The following FGFR1 variants were observed in gnomAD, a reference collection of about 807,000 sequenced individuals.
FGFR1 encodes the protein fibroblast growth factor receptor 1, also known as FGFR1/PLAG1 fusion.
FGFR1 carries 18 observed loss-of-function variants against 93.7 expected under a neutral mutation model. That is an observed-to-expected ratio of 0.19 (90% CI 0.13 to 0.28). The LOEUF (loss-of-function observed/expected upper bound fraction) is 0.28. Among genes scored for constraint, FGFR1 ranks in the 10% least tolerant of loss-of-function variants. The pLI is 1.00. For missense variants in FGFR1, 731 were observed against 1,080.4 expected, an observed-to-expected ratio of 0.68 and a Z score of 4.53; for synonymous variants, 448 against 429.3, an observed-to-expected ratio of 1.04 and a Z score of -0.54.
At chr8:38,467,575 G>C (rs1835824317) in intron 1 of FGFR1, 2 of 235,248 alleles carry the variant, frequency 8.5e-6, no homozygotes, top group East Asian at 1.2e-4. Flanking sequence ...CACACACAAC[G>C]CATCCCACCT....
chr8:38,416,206 C>A, intron 12 of FGFR1, 146 bp from the exon 13 acceptor site: 1 of 701,508 alleles, frequency 1.4e-6, no homozygotes, highest in African/African-American at 1.8e-5. Context: ...ATCCATTCTA[C>A]TACCCAAAAA....
At position 38,416,396 on chromosome 8, in the gene FGFR1, T is replaced by A. The variant is rs889547409; in HGVS notation, c.1664-336A>T. ...GCCTTCTGGATTCAAGTGATTCTCCTGCCTCAGCCTCCCAAGCAGCTGGGA... is the reference window on the plus strand; with the variant it reads ...GCCTTCTGGATTCAAGTGATTCTCCAGCCTCAGCCTCCCAAGCAGCTGGGA... On this transcript the variant is annotated intron_variant, in intron 12 of 17. Transcript: ENST00000447712. Among the ~76,000 whole-genome samples the A allele has an allele frequency of 2.6e-5, 4 of 150,946 alleles. No individual in the cohort carries two copies. In the South Asian group the frequency reaches 8.5e-4, roughly 32 times the overall value.
intron 2 of FGFR1, among the ~76,000 whole-genome samples, chr8:38,449,903 G>A (rs1830514027): frequency 6.6e-6 from 1 of 152,242 alleles, no homozygotes. Context: ...ACAGGAGAAG[G>A]GAGGGAACTC....
intron 1 of FGFR1, among the ~76,000 whole-genome samples, chr8:38,464,256 A>G (rs1835028024): frequency 7.0e-6 from 1 of 142,734 alleles, no homozygotes; most frequent in Admixed American, 7.4e-5. Flanking sequence ...CGGAGGTTGC[A>G]GTGACCTGAG....
rs545137131 is a variant in FGFR1 at position 38,449,003 on chromosome 8, G to A, written c.91+8353C>T. Among the ~76,000 whole-genome samples the A allele has an allele frequency of 2.0e-5, 3 of 152,270 alleles. No homozygotes were observed. The South Asian group carries it at 6.2e-4, about 32-fold the overall frequency. ...TGTAATCCTAACACTTTAGGAGGCTGAGGCCAGAGGATCGCTTGATCCCAG... is the reference window on the plus strand; with the variant it reads ...TGTAATCCTAACACTTTAGGAGGCTAAGGCCAGAGGATCGCTTGATCCCAG... On this transcript the variant is annotated intron_variant, in intron 2 of 17. Coordinates refer to ENST00000447712, the MANE Select transcript of FGFR1 (RefSeq NM_023110.3).
chr8:38,452,200 GACACACACACACACAC>G (rs3051753), intron 2 of FGFR1, among the ~76,000 whole-genome samples: 244 of 139,186 alleles, frequency 1.8e-3, no homozygotes, highest in East Asian at 0.016. Flanking sequence ...CAGACACACA[GACACACACACACACAC>G]ACACACACAC....
At chr8:38,441,156 A>G (rs2151118104) in intron 2 of FGFR1, among the ~76,000 whole-genome samples, 1 of 151,300 alleles carries the variant, frequency 6.6e-6, no homozygotes, top group South Asian at 2.1e-4. Context: ...ATTGGCCTGG[A>G]GAGTTGTGTG....
At chr8:38,446,892 A>G (rs899799115) in intron 2 of FGFR1, among the ~76,000 whole-genome samples, 1 of 152,162 alleles carries the variant, frequency 6.6e-6, no homozygotes, top group Non-Finnish European at 1.5e-5. Flanking sequence ...ACTGTGACCT[A>G]TAAAGAAAAC....
At chr8:38,455,028 T>G (rs1174495348) in intron 2 of FGFR1, among the ~76,000 whole-genome samples, 1 of 145,278 alleles carries the variant, frequency 6.9e-6, no homozygotes, top group Non-Finnish European at 1.5e-5. Flanking sequence ...CAGGCTGAAG[T>G]GAAGCGGTGT....
At position 38,458,784 on chromosome 8, in the gene FGFR1, A is replaced by C. The variant is rs373054323; in HGVS notation, c.-88-1250T>G. On this transcript the variant is annotated intron_variant, in intron 1 of 17. Coordinates refer to ENST00000447712, the MANE Select transcript of FGFR1 (RefSeq NM_023110.3). ...TCTTTTTGTCTCTAAAATTGTACGA[A>C]TCACATCCATAGTTCTACCAGCCTC... The C allele has an allele frequency of 4.5e-5, 10 of 220,486 alleles. No homozygotes were observed. In the East Asian group the frequency reaches 6.7e-4, roughly 15 times the overall value. The allele number at this position is 220,486 out of a possible 1,614,324, so 13.7% of individuals were successfully genotyped here.
intron 2 of FGFR1, among the ~76,000 whole-genome samples, chr8:38,455,280 A>T (rs1832481985): frequency 6.6e-6 from 1 of 151,788 alleles, no homozygotes; most frequent in African/African-American, 2.4e-5. Context: ...GCCTAAGTAT[A>T]GTTTTCTTTT....
chr8:38,413,749 G>A lies in FGFR1; in HGVS notation c.2348C>T (p.Thr783Ile), dbSNP rs1815191043. The A allele has an allele frequency of 6.2e-7, 1 of 1,614,070 alleles. No homozygotes were observed. Among genetic ancestry groups the A allele is most frequent in the South Asian group, 1.1e-5 (1 of 91,086 alleles). The part of the protein sequence containing the change: ...LDQYSPSFPD[T>I]RSSTCSSGED... The stretch of plus-strand genomic sequence containing the variant: ...CCCTGAGGAGCACGTAGAGCTCCGG[G>A]TGTCGGGAAAGCTGGGGGAGTACTG... Residue 783 changes from threonine to isoleucine, a missense_variant, in exon 18 of 18, where the codon ACC (threonine) becomes ATC (isoleucine). By Grantham distance (89) the Thr-to-Ile change is moderately conservative. This residue lies in a region of FGFR1 where 79 missense variants were observed against 97.2 expected (regional missense o/e 0.81). Coordinates refer to ENST00000447712, the MANE Select transcript of FGFR1 (RefSeq NM_023110.3). The surrounding 1 kb of genome is among the most constrained non-coding windows in gnomAD (Gnocchi z 4.2).
In FGFR1 at chr8:38,419,682, T is replaced by C; in HGVS notation, c.1135A>G (p.Ile379Val). The C allele has an allele frequency of 6.2e-7, 1 of 1,614,090 alleles. No homozygotes were observed. Among genetic ancestry groups the C allele is most frequent in the East Asian group, 2.2e-5 (1 of 44,854 alleles). The part of the protein sequence containing the change: ...MTSPLYLEII[I>V]YCTGAFLISC... ...ATGAGGAAGGCCCCTGTGCAATAGATGATGATCTCCAGGTACAGGGGCGAG... is the reference window on the plus strand; with the variant it reads ...ATGAGGAAGGCCCCTGTGCAATAGACGATGATCTCCAGGTACAGGGGCGAG... The change falls in exon 9 of 18, where the codon ATC becomes GTC. Residue 379 changes from isoleucine (I) to valine (V), a missense_variant. By Grantham distance (29) the Ile-to-Val change is conservative. Coordinates refer to ENST00000447712, the MANE Select transcript of FGFR1 (RefSeq NM_023110.3).
At chr8:38,439,902 G>A (rs1169795660) in intron 2 of FGFR1, among the ~76,000 whole-genome samples, 1 of 152,082 alleles carries the variant, frequency 6.6e-6, no homozygotes, top group African/African-American at 2.4e-5. Context: ...TGGGCTGACA[G>A]TAGGTATTTG....
chr8:38,426,204 C>T lies in FGFR1; in HGVS notation c.663G>A (p.Val221=), dbSNP rs766451294. The change falls in exon 6 of 18, where the codon GTG becomes GTA. Residue 221 remains valine, a synonymous_variant. Coordinates refer to ENST00000447712, the MANE Select transcript of FGFR1 (RefSeq NM_023110.3). This position sits in a 1 kb window ranked among gnomAD's most constrained non-coding sequence, Gnocchi z 4.1. ...AGGTGTAGTTGCCCTTGTCAGAGGG[C>T]ACCACAGAGTCCATTATGATGCTCC... ...ATWSIIMDSV[V]PSDKGNYTCI... is the part of the protein sequence containing the mutation. The T allele has an allele frequency of 6.2e-7, 1 of 1,614,178 alleles. No homozygotes were observed. Among genetic ancestry groups the T allele is most frequent in the Non-Finnish European group, 8.5e-7 (1 of 1,180,024 alleles).
chr8:38,456,286 A>G lies in FGFR1; in HGVS notation c.91+1070T>C, dbSNP rs10089707. On this transcript the variant is annotated intron_variant, in intron 2 of 17. Coordinates refer to ENST00000447712, the MANE Select transcript of FGFR1 (RefSeq NM_023110.3). ...AGAAATGCTCATACATTAGTTTTCA[A>G]AGTCCCGCGAAAGCCACCGGTATTC... is the stretch of plus-strand genomic sequence containing the variant. 5.3e-3 allele frequency among the ~76,000 whole-genome samples: 811 copies of G among 152,266 alleles called. 7 individuals carry two copies. Among genetic ancestry groups the G allele is most frequent in the African/African-American group, 0.018 (748 of 41,542 alleles).
At chr8:38,459,243 G>C (rs1833775394) in intron 1 of FGFR1, among the ~76,000 whole-genome samples, 2 of 152,244 alleles carry the variant, frequency 1.3e-5, no homozygotes, top group East Asian at 1.9e-4. Context: ...GTTATTCAGA[G>C]AATCTACTTC....
rs1422742000 is a variant in FGFR1 at position 38,436,968 on chromosome 8, C to T, written c.92-7020G>A. 2.6e-5 allele frequency among the ~76,000 whole-genome samples: 4 copies of T among 152,098 alleles called. No individual in the cohort carries two copies. The South Asian group carries it at 8.3e-4, about 32-fold the overall frequency. On this transcript the variant is annotated intron_variant, in intron 2 of 17. Coordinates refer to ENST00000447712, the MANE Select transcript of FGFR1 (RefSeq NM_023110.3). ...TGGGATCTTGGCTCACTGCAACTTC[C>T]GCCTCCCAGGTTCAAGTGATTCTCG...
At chr8:38,431,391 C>T (rs1823062116) in intron 2 of FGFR1, among the ~76,000 whole-genome samples, 1 of 152,200 alleles carries the variant, frequency 6.6e-6, no homozygotes. Context: ...TCATCGGTAC[C>T]TTTAAATCCC....
Sources: allele counts gnomAD v4.1 joint callset (sites outside exome capture counted in the v4.1 genomes callset), GRCh38; gene constraint gnomAD v4.1.1; regional missense constraint gnomAD v4.1.1; non-coding constraint Gnocchi (gnomAD v3.1); transcripts MANE v1.5; gene names NCBI Gene and HGNC (gene_info 2026-07-23, HGNC 2026-07-21).